SLC25A25: variants seen among roughly 807,000 people sequenced by gnomAD.
SLC25A25 encodes solute carrier family 25 member 25, also known as mitochondrial adenyl nucleotide antiporter SLC25A25.
Under a neutral mutation model 57.7 loss-of-function variants are expected in SLC25A25, and 32 were observed. The observed-to-expected ratio is 0.55, with a 90% CI of 0.42 to 0.74. The LOEUF (loss-of-function observed/expected upper bound fraction) is 0.74. Ranked by LOEUF, SLC25A25 falls within the 30% of genes least tolerant of loss-of-function variation. The pLI, the probability that SLC25A25 is intolerant of heterozygous loss-of-function variation, is 0.00. For missense variants in SLC25A25, 556 were observed against 701.3 expected (o/e 0.79, Z 2.34); for synonymous variants, 306 against 291.2 (o/e 1.05, Z -0.52).
chr9:128,101,387 T>A lies in SLC25A25; in HGVS notation c.467T>A (p.Ile156Asn), dbSNP rs1460913363. 2 of 1,614,188 alleles carry A rather than the reference T, an allele frequency of 1.2e-6. No homozygotes were observed. Among genetic ancestry groups the A allele is most frequent in the Non-Finnish European group, 8.5e-7 (1 of 1,180,044 alleles). The change falls in exon 3 of 11, where the codon ATT becomes AAT. Residue 156 changes from isoleucine (I) to asparagine (N), a missense_variant. By Grantham distance (149) the Ile-to-Asn change is moderately radical. Coordinates refer to ENST00000373069, the MANE Select transcript of SLC25A25 (RefSeq NM_001330988.2). This position sits in a 1 kb window ranked among gnomAD's most constrained non-coding sequence, Gnocchi z 4.9. ...VKISEQQAEK[I>N]LKRIRTGHFW... ...ATATCTGAACAGCAGGCAGAAAAAATTCTCAAGAGGTGAGTGCTCAGCCAG... is the reference window on the plus strand; with the variant it reads ...ATATCTGAACAGCAGGCAGAAAAAAATCTCAAGAGGTGAGTGCTCAGCCAG...
intron 1 of SLC25A25, among the ~76,000 whole-genome samples, chr9:128,097,736 C>T (rs535631517): frequency 6.6e-6 from 1 of 152,372 alleles, no homozygotes; most frequent in African/African-American, 2.4e-5. Context: ...CAGATTGATG[C>T]TTCTGGGGAG....
chr9:128,103,828 G>A lies in SLC25A25; in HGVS notation c.772G>A (p.Val258Met), dbSNP rs1044520645. Residue 258 changes from valine (V) to methionine (M), a missense_variant, in exon 6 of 11, where the codon GTG (valine) becomes ATG (methionine). Around this residue, in one of 3 missense-constraint regions of SLC25A25, gnomAD observed 294 missense variants for 389.6 expected, o/e 0.75. Coordinates refer to ENST00000373069, the MANE Select transcript of SLC25A25 (RefSeq NM_001330988.2). This position sits in a 1 kb window ranked among gnomAD's most constrained non-coding sequence, Gnocchi z 6.7. Reference protein sequence around the residue: ...TCTAPLDRLKVLMQVHASRSN... With the variant: ...TCTAPLDRLKMLMQVHASRSN... Reference sequence around the variant, plus strand: ...CACGGCCCCCCTGGACAGGCTCAAGGTGCTCATGCAGGTATGTAGGGAAAA... The same window carrying A: ...CACGGCCCCCCTGGACAGGCTCAAGATGCTCATGCAGGTATGTAGGGAAAA... 78 of 1,599,672 alleles carry A rather than the reference G, an allele frequency of 4.9e-5. No homozygotes were observed. Among genetic ancestry groups the A allele is most frequent in the Non-Finnish European group, 6.3e-5 (74 of 1,172,792 alleles).
intron 1 of SLC25A25, chr9:128,094,583 G>A (rs932573417): frequency 2.6e-5 from 4 of 152,218 alleles, no homozygotes; most frequent in Admixed American, 1.3e-4. Flanking sequence ...TGAGCGGCTG[G>A]ATGCTGGCAA....
chr9:128,103,434 G>A lies in SLC25A25; in HGVS notation c.625-247G>A, dbSNP rs1218221575. 2.0e-5 allele frequency among the ~76,000 whole-genome samples: 3 copies of A among 152,174 alleles called. No individual in the cohort carries two copies. Among genetic ancestry groups the A allele is most frequent in the Non-Finnish European group, 2.9e-5 (2 of 68,026 alleles). On this transcript the variant is annotated intron_variant, in intron 5 of 10. Transcript: ENST00000373069. This position sits in a 1 kb window ranked among gnomAD's most constrained non-coding sequence, Gnocchi z 6.7. ...AGGGCCGGTGAATGGTTTTCTAACC[G>A]GCACCTCCCGGCTGTGTTCAGCTGA...
At chr9:128,076,503 T>C (rs1375349980) in intron 1 of SLC25A25, among the ~76,000 whole-genome samples, 1 of 149,876 alleles carries the variant, frequency 6.7e-6, no homozygotes, top group African/African-American at 2.5e-5. Flanking sequence ...TCTCTCTCTC[T>C]CGCCCAGGCT....
chr9:128,107,531 C>T lies in SLC25A25; in HGVS notation c.*87C>T, dbSNP rs1016503087. On this transcript the variant is annotated 3_prime_UTR_variant, in exon 11 of 11. Transcript: ENST00000373069. ...CCATCTCATTCTGTGAATGTGCCAA[C>T]ACTAAGCTGTCTCGAGCCAAGCTGT... The T allele has an allele frequency of 2.1e-6, 3 of 1,437,238 alleles. No individual in the cohort carries two copies. The highest frequency in any genetic ancestry group is 2.8e-6 in the Non-Finnish European group (3 of 1,080,412). 89.0% of individuals were successfully genotyped at this position (1,437,238 alleles called of 1,614,324 possible). A position where few individuals can be genotyped will look rare whatever the true frequency, so the allele number is the denominator to read the frequency against.
At chr9:128,098,862 C>A in intron 1 of SLC25A25, 2 of 1,489,516 alleles carry the variant, frequency 1.3e-6, no homozygotes, top group Non-Finnish European at 1.8e-6. Flanking sequence ...CATTGCCATG[C>A]GGCTATGGCC....
chr9:128,079,080 T>G (rs1013972858), intron 1 of SLC25A25, among the ~76,000 whole-genome samples: 1 of 152,132 alleles, frequency 6.6e-6, no homozygotes, highest in African/African-American at 2.4e-5. Context: ...AGATGCATCT[T>G]CCTTTAAAGT....
chr9:128,101,530 C>T lies in SLC25A25; in HGVS notation c.476+134C>T, dbSNP rs1427556863. On this transcript the variant is annotated intron_variant, in intron 3 of 10. Transcript: ENST00000373069. The surrounding 1 kb of genome is among the most constrained non-coding windows in gnomAD (Gnocchi z 4.9). ...GTGGTTTGAAAGGATGAATAAGTAA[C>T]CCCTGTGGGAGGCCAGCCCCTCCCC... The T allele has an allele frequency of 7.3e-6, 7 of 953,682 alleles. No homozygotes were observed. Among genetic ancestry groups the T allele is most frequent in the South Asian group, 1.7e-5 (1 of 60,400 alleles). The allele number at this position is 953,682 out of a possible 1,614,324, so 59.1% of individuals were successfully genotyped here.
intron 1 of SLC25A25, among the ~76,000 whole-genome samples, chr9:128,085,970 A>G (rs1042874943): frequency 6.6e-6 from 1 of 151,714 alleles, no homozygotes; most frequent in Non-Finnish European, 1.5e-5. Context: ...CCTCCCTAGT[A>G]GCAGGAACTA....
In SLC25A25 at chr9:128,106,219, G is replaced by A; in HGVS notation, c.1006G>A (p.Ala336Thr). The A allele has an allele frequency of 6.2e-7, 1 of 1,614,192 alleles. No individual in the cohort carries two copies. Among genetic ancestry groups the A allele is most frequent in the Non-Finnish European group, 8.5e-7 (1 of 1,180,028 alleles). ...IHERLVAGSL[A>T]GAIAQSSIYP... is the part of the protein sequence containing the mutation. ...CGAGAGGCTTGTGGCAGGGTCCTTG[G>A]CAGGGGCCATCGCCCAGAGCAGCAT... Residue 336 changes from alanine (A) to threonine (T), a missense_variant, in exon 8 of 11, where the codon GCA (alanine) becomes ACA (threonine). Physicochemically the swap from Ala to Thr is moderately conservative, Grantham distance 58. Transcript: ENST00000373069.
chr9:128,099,177 C>T lies in SLC25A25; in HGVS notation c.262-1919C>T. The T allele has an allele frequency of 4.0e-6, 5 of 1,258,268 alleles. No homozygotes were observed. Among genetic ancestry groups the T allele is most frequent in the Non-Finnish European group, 5.1e-6 (5 of 976,380 alleles). The allele number at this position is 1,258,268 out of a possible 1,614,324, so 77.9% of individuals were successfully genotyped here. A position where few individuals can be genotyped will look rare whatever the true frequency, so the allele number is the denominator to read the frequency against. ...TCTCAGACATCGCTGTGGAACAGGG[C>T]CTGTGTCTGCCCTGAAAGTGAGGAA... On this transcript the variant is annotated intron_variant, in intron 1 of 10. Transcript: ENST00000373069. The surrounding 1 kb of genome is among the most constrained non-coding windows in gnomAD (Gnocchi z 6.8).
rs767514284 is a variant in SLC25A25, at chr9:128,102,337, G to A, written c.513-33G>A. 1 of 1,581,402 alleles carries A rather than the reference G, an allele frequency of 6.3e-7. No individual in the cohort carries two copies. Among genetic ancestry groups the A allele is most frequent in the Non-Finnish European group, 8.7e-7 (1 of 1,151,370 alleles). On this transcript the variant is annotated intron_variant, in intron 4 of 10. Transcript: ENST00000373069. This position sits in a 1 kb window ranked among gnomAD's most constrained non-coding sequence, Gnocchi z 4.1. ...GGATGCAGCTGGCGGATGGGCATGT[G>A]GGCACGTGGGCAGCCTCGCCTCTGT...
intron 1 of SLC25A25, among the ~76,000 whole-genome samples, chr9:128,079,717 G>C (rs899502518): frequency 1.3e-5 from 2 of 151,440 alleles, no homozygotes; most frequent in African/African-American, 4.9e-5. Flanking sequence ...GAGGGGCCAG[G>C]CGCGGTGGCT....
rs533971716 is a variant in SLC25A25 at position 128,093,370 on chromosome 9, G to A, written c.262-7726G>A. On this transcript the variant is annotated intron_variant, in intron 1 of 10. Coordinates refer to ENST00000373069, the MANE Select transcript of SLC25A25 (RefSeq NM_001330988.2). ...GGAACTTTTATCTATAGACCTGCTT[G>A]CCTTATTACTACCTCGAATGGCCGG... 2.0e-5 allele frequency among the ~76,000 whole-genome samples: 3 copies of A among 152,342 alleles called. No homozygotes were observed. The South Asian group carries it at 6.2e-4, about 32-fold the overall frequency.
In SLC25A25 at chr9:128,099,286, C is replaced by T. The variant is rs1273721292; in HGVS notation, c.262-1810C>T. 4 of 1,286,042 alleles carry T rather than the reference C, an allele frequency of 3.1e-6. No individual in the cohort carries two copies. The Admixed American group carries it at 9.4e-5, about 30-fold the overall frequency. 79.7% of individuals were successfully genotyped at this position (1,286,042 alleles called of 1,614,324 possible). On this transcript the variant is annotated intron_variant, in intron 1 of 10. Transcript: ENST00000373069. This position sits in a 1 kb window ranked among gnomAD's most constrained non-coding sequence, Gnocchi z 6.8. ...CCTGCTACCCCCAGTGCCCACTGTG[C>T]ACCAAGGGGGATTTGCAGATCCAAG...
At position 128,108,100 on chromosome 9, in the gene SLC25A25, C is replaced by T. The variant is rs564699238; in HGVS notation, c.*656C>T. On this transcript the variant is annotated 3_prime_UTR_variant, in exon 11 of 11. Transcript: ENST00000373069. ...GGCATGCTTGGGAGTGCAGGGGGCT[C>T]GGGCTGCCTGGCCTGGCTGCACAGA... 1.3e-5 allele frequency: 5 copies of T among 399,580 alleles called. No homozygotes were observed. Among genetic ancestry groups the T allele is most frequent in the South Asian group, 1.3e-4 (1 of 7,892 alleles). The allele number at this position is 399,580 out of a possible 1,614,324, so 24.8% of individuals were successfully genotyped here. A position where few individuals can be genotyped will look rare whatever the true frequency, so the allele number is the denominator to read the frequency against.
chr9:128,099,206 G>C lies in SLC25A25; in HGVS notation c.262-1890G>C. 1.6e-6 allele frequency: 2 copies of C among 1,283,868 alleles called. No individual in the cohort carries two copies. Among genetic ancestry groups the C allele is most frequent in the South Asian group, 1.2e-5 (1 of 80,518 alleles). The allele number at this position is 1,283,868 out of a possible 1,614,324, so 79.5% of individuals were successfully genotyped here. On this transcript the variant is annotated intron_variant, in intron 1 of 10. Transcript: ENST00000373069. The surrounding 1 kb of genome is among the most constrained non-coding windows in gnomAD (Gnocchi z 6.8). Reference sequence around the variant, plus strand: ...TGTCTGCCCTGAAAGTGAGGAAGCCGAGCTGCAGAGTCCGGAGGCCCCTTG... The same window carrying C: ...TGTCTGCCCTGAAAGTGAGGAAGCCCAGCTGCAGAGTCCGGAGGCCCCTTG...
intron 1 of SLC25A25, among the ~76,000 whole-genome samples, chr9:128,075,135 TCAA>T (rs10637931): frequency 2.6e-5 from 4 of 151,356 alleles, no homozygotes; most frequent in African/African-American, 4.9e-5. Flanking sequence ...AGATTCCATC[TCAA>T]CAACAACAAC....
Sources: gnomAD v4.1 joint callset for allele counts (sites outside exome capture counted in the v4.1 genomes callset) on GRCh38, gnomAD v4.1.1 for gene constraint, gnomAD v4.1.1 regional missense constraint, Gnocchi (gnomAD v3.1) non-coding constraint, MANE v1.5 for transcripts, NCBI Gene and HGNC (gene_info 2026-07-23, HGNC 2026-07-21) for gene names.